The following PKIG variants were observed in gnomAD, a reference collection of about 807,000 sequenced individuals.
The protein encoded by PKIG is protein kinase (cAMP-dependent, catalytic) inhibitor gamma.
In PKIG, 1 loss-of-function variant was observed where a neutral mutation model predicts 6.8. The ratio of observed to expected loss-of-function variants is 0.15; its 90% CI spans 0.05 to 0.69. The LOEUF is 0.69. PKIG is among the 30% of genes least tolerant of loss of function. The probability of loss-of-function intolerance (pLI) is 0.82; values close to 1 mark genes in which losing one functional copy is unlikely to be tolerated. For synonymous variants in PKIG, 39 were observed against 43.0 expected (o/e 0.91, Z 0.36); for missense variants, 77 against 104.0 (o/e 0.74, Z 1.13).
chr20:44,567,304 A>G (rs1026794556), intron 1 of PKIG, among the ~76,000 whole-genome samples: 2 of 152,216 alleles, frequency 1.3e-5, no homozygotes, highest in Non-Finnish European at 2.9e-5. Flanking sequence ...CTGCAAGGTC[A>G]GCCCCGTAAG....
At chr20:44,591,981 C>T (rs745633746) in intron 2 of PKIG, among the ~76,000 whole-genome samples, 2 of 152,146 alleles carry the variant, frequency 1.3e-5, no homozygotes, top group Non-Finnish European at 2.9e-5. Context: ...AAGGACCGGT[C>T]TACAGAGGGG....
At chr20:44,544,925 C>CTTTTTTTTTTTTTTT (rs796482642) in intron 1 of PKIG, among the ~76,000 whole-genome samples, 9 of 64,388 alleles carry the variant, frequency 1.4e-4, no homozygotes, top group East Asian at 4.2e-4. Flanking sequence ...TTCCTTCTTT[C>CTTTTTTTTTTTTTTT]TTTTTTTTTT....
At chr20:44,553,220 A>G (rs913329094) in intron 1 of PKIG, among the ~76,000 whole-genome samples, 7 of 152,178 alleles carry the variant, frequency 4.6e-5, no homozygotes, top group Admixed American at 1.3e-4. Context: ...TGAAGGTATC[A>G]GGTCATTAAT....
At chr20:44,575,914 T>A (rs939740567) in intron 1 of PKIG, among the ~76,000 whole-genome samples, 14 of 152,152 alleles carry the variant, frequency 9.2e-5, no homozygotes. Flanking sequence ...AGAGCCTCCC[T>A]GGGGTCCCAC....
intron 2 of PKIG, among the ~76,000 whole-genome samples, chr20:44,605,860 T>C (rs2065159822): frequency 6.6e-6 from 1 of 151,856 alleles, no homozygotes; most frequent in Non-Finnish European, 1.5e-5. Context: ...TGCTGTGAGC[T>C]AGGCTGGCAC....
intron 1 of PKIG, among the ~76,000 whole-genome samples, chr20:44,543,463 C>T (rs1425184735): frequency 6.6e-6 from 1 of 152,164 alleles, no homozygotes. Flanking sequence ...GTCTTGCATG[C>T]CCACTGGGAA....
At chr20:44,532,626 G>A (rs758208779) in intron 1 of PKIG, among the ~76,000 whole-genome samples, 4 of 152,190 alleles carry the variant, frequency 2.6e-5, no homozygotes, top group Admixed American at 2.0e-4. Flanking sequence ...TTCCGGTTAT[G>A]ATTTTGGACA....
intron 1 of PKIG, among the ~76,000 whole-genome samples, chr20:44,572,879 C>T (rs1174049931): frequency 6.6e-6 from 1 of 152,156 alleles, no homozygotes; most frequent in Non-Finnish European, 1.5e-5. Context: ...AGTTATCCCA[C>T]GTTTGGCTCC....
At chr20:44,559,555 G>A (rs994061959) in intron 1 of PKIG, among the ~76,000 whole-genome samples, 3 of 152,126 alleles carry the variant, frequency 2.0e-5, no homozygotes, top group Non-Finnish European at 4.4e-5. Flanking sequence ...GACACTGTCA[G>A]GAATAAATTC....
intron 1 of PKIG, among the ~76,000 whole-genome samples, chr20:44,548,903 C>CACAT (rs1427619321): frequency 9.0e-4 from 73 of 81,266 alleles, no homozygotes; most frequent in African/African-American, 4.6e-3. Flanking sequence ...CACACACACA[C>CACAT]ATATATCTGT....
intron 1 of PKIG, among the ~76,000 whole-genome samples, chr20:44,589,243 T>G (rs1215521300): frequency 6.6e-6 from 1 of 151,506 alleles, no homozygotes; most frequent in Non-Finnish European, 1.5e-5. Context: ...TGGCTGAGAG[T>G]GGATGATTGC....
At chr20:44,563,433 G>A (rs1264500448) in intron 1 of PKIG, among the ~76,000 whole-genome samples, 2 of 151,948 alleles carry the variant, frequency 1.3e-5, no homozygotes, top group Non-Finnish European at 2.9e-5. Context: ...CAACAAGGAT[G>A]GTTTGTTTCT....
intron 2 of PKIG, among the ~76,000 whole-genome samples, chr20:44,599,372 T>C (rs1490504205): frequency 6.6e-6 from 1 of 152,166 alleles, no homozygotes; most frequent in African/African-American, 2.4e-5. Context: ...GTCATAGAGT[T>C]GCTATAAAAT....
intron 1 of PKIG, among the ~76,000 whole-genome samples, chr20:44,575,966 T>C (rs945578172): frequency 6.6e-6 from 1 of 152,200 alleles, no homozygotes; most frequent in Non-Finnish European, 1.5e-5. Context: ...TTTCTTGTCC[T>C]TGTGCTCCAA....
intron 2 of PKIG, among the ~76,000 whole-genome samples, chr20:44,600,723 G>T (rs244093): frequency 0.24 from 35,996 of 151,416 alleles, 5,724 homozygotes; most frequent in African/African-American, 0.46. Context: ...TGACAGGACT[G>T]GGTAAAGAAT....
At chr20:44,567,697 G>A (rs1028379866) in intron 1 of PKIG, among the ~76,000 whole-genome samples, 10 of 152,144 alleles carry the variant, frequency 6.6e-5, no homozygotes, top group African/African-American at 9.7e-5. Context: ...TTCCAGTGCC[G>A]GGCACAGGCT....
chr20:44,585,829 C>T (rs1279195317), intron 1 of PKIG, among the ~76,000 whole-genome samples: 1 of 152,256 alleles, frequency 6.6e-6, no homozygotes, highest in Non-Finnish European at 1.5e-5. Flanking sequence ...GAATTTGCAG[C>T]CCTGCATCTG....
Position 44,613,682 on chromosome 20 carries a change from TC to T in PKIG, c.-23-849del, listed in dbSNP as rs958168288. Reference sequence around the variant, plus strand: ...ATTTCCAAGTTATATCTAGAATCCTTCCCACTGCCCCCCTCCTCCACCCACC... The same window carrying T: ...ATTTCCAAGTTATATCTAGAATCCTTCCACTGCCCCCCTCCTCCACCCACC... On this transcript the variant is annotated intron_variant, in intron 2 of 3. Coordinates refer to ENST00000372886, the MANE Select transcript of PKIG (RefSeq NM_001281445.2). 1.7e-4 allele frequency among the ~76,000 whole-genome samples: 26 copies of T among 152,142 alleles called. 1 individual carries two copies. Among genetic ancestry groups the T allele is most frequent in the African/African-American group, 5.6e-4 (23 of 41,440 alleles).
chr20:44,567,576 G>A (rs1406050999), intron 1 of PKIG, among the ~76,000 whole-genome samples: 3 of 152,180 alleles, frequency 2.0e-5, no homozygotes, highest in Non-Finnish European at 4.4e-5. Flanking sequence ...ACTCAAGGCT[G>A]AGGTCCCTGA....
Sources: gnomAD v4.1 joint callset for allele counts (sites outside exome capture counted in the v4.1 genomes callset) on GRCh38, gnomAD v4.1.1 for gene constraint, MANE v1.5 for transcripts, NCBI Gene and HGNC (gene_info 2026-07-23, HGNC 2026-07-21) for gene names.